MB21D2: variants seen among roughly 807,000 people sequenced by gnomAD.
The protein encoded by MB21D2 is nucleotidyltransferase MB21D2.
Under a neutral mutation model 33.3 loss-of-function variants are expected in MB21D2, and 9 were observed. That is an observed-to-expected ratio of 0.27 (90% CI 0.16 to 0.47). The LOEUF (loss-of-function observed/expected upper bound fraction) is 0.47, where lower values mean the gene tolerates loss of function less well. Among genes scored for constraint, MB21D2 ranks in the 20% least tolerant of loss-of-function variants. The pLI, the probability that MB21D2 is intolerant of heterozygous loss-of-function variation, is 0.99. For missense variants in MB21D2, 540 were observed against 624.6 expected, an observed-to-expected ratio of 0.86 and a Z score of 1.44; for synonymous variants, 241 against 236.3, an observed-to-expected ratio of 1.02 and a Z score of -0.18.
rs184421308 is a variant in MB21D2 at position 192,829,877 on chromosome 3, C to T, written c.212-30227G>A. ...GTGTAGCCGGGACCACAGGCATGCA[C>T]CACCATGCCCAGCTAATTTATTTGT... On this transcript the variant is annotated intron_variant, in intron 1 of 1. Coordinates refer to ENST00000392452, the MANE Select transcript of MB21D2 (RefSeq NM_178496.4). 8.5e-4 allele frequency among the ~76,000 whole-genome samples: 129 copies of T among 152,276 alleles called. 1 individual carries two copies. The highest frequency in any genetic ancestry group is 3.0e-3 in the African/African-American group (124 of 41,564).
At chr3:192,909,665 T>C (rs1162133445) in intron 1 of MB21D2, among the ~76,000 whole-genome samples, 1 of 152,064 alleles carries the variant, frequency 6.6e-6, no homozygotes, top group African/African-American at 2.4e-5. Flanking sequence ...ACACGGTGGC[T>C]CACGCCTGTA....
intron 1 of MB21D2, among the ~76,000 whole-genome samples, chr3:192,829,840 C>T (rs191900898): frequency 1.3e-5 from 2 of 152,326 alleles, no homozygotes; most frequent in Admixed American, 6.5e-5. Context: ...GATACTCCCA[C>T]CTCAGCCTCC....
intron 1 of MB21D2, among the ~76,000 whole-genome samples, chr3:192,898,185 GAC>G (rs1714019147): frequency 6.8e-6 from 1 of 147,754 alleles, no homozygotes; most frequent in Non-Finnish European, 1.5e-5. Context: ...AAAAAAAACT[GAC>G]AGCAAAAATA....
intron 1 of MB21D2, among the ~76,000 whole-genome samples, chr3:192,907,652 T>C (rs1236059889): frequency 1.3e-5 from 2 of 152,190 alleles, no homozygotes; most frequent in South Asian, 2.1e-4. Flanking sequence ...GATAATACCA[T>C]ACCAAATGTG....
chr3:192,834,437 A>AAG (rs1712390004), intron 1 of MB21D2, among the ~76,000 whole-genome samples: 1 of 149,826 alleles, frequency 6.7e-6, no homozygotes, highest in Admixed American at 6.7e-5. Flanking sequence ...AAAAAAAAAA[A>AAG]AAGAAGAAGA....
intron 1 of MB21D2, among the ~76,000 whole-genome samples, chr3:192,869,412 G>A (rs6803361): frequency 0.49 from 73,811 of 151,442 alleles, 18,440 homozygotes; most frequent in East Asian, 0.6. Flanking sequence ...CTTGAGTAGT[G>A]GAGGAGACTG....
At chr3:192,873,941 C>CT (rs1452432062) in intron 1 of MB21D2, among the ~76,000 whole-genome samples, 2 of 152,168 alleles carry the variant, frequency 1.3e-5, no homozygotes, top group Non-Finnish European at 2.9e-5. Flanking sequence ...CTCAGGTGAT[C>CT]TGCCCGCCTT....
chr3:192,804,426 TACACACACACACAC>T (rs10552964), intron 1 of MB21D2, among the ~76,000 whole-genome samples: 21 of 147,162 alleles, frequency 1.4e-4, no homozygotes, highest in Middle Eastern at 3.4e-3. Context: ...TTAAAACAGA[TACACACACACACAC>T]ACACACACAC....
chr3:192,852,223 T>G (rs73201140), intron 1 of MB21D2, among the ~76,000 whole-genome samples: 271 of 152,304 alleles, frequency 1.8e-3, no homozygotes, highest in Non-Finnish European at 3.4e-3. Flanking sequence ...CCACTCAGCA[T>G]GCACAGCACC....
At chr3:192,881,025 G>GT (rs1713555417) in intron 1 of MB21D2, among the ~76,000 whole-genome samples, 1 of 151,960 alleles carries the variant, frequency 6.6e-6, no homozygotes, top group African/African-American at 2.4e-5. Flanking sequence ...ATAGATGTAT[G>GT]TATTTATATA....
intron 1 of MB21D2, among the ~76,000 whole-genome samples, chr3:192,901,411 TTCAA>T (rs1347336335): frequency 7.1e-4 from 20 of 28,156 alleles, no homozygotes; most frequent in African/African-American, 3.1e-3. Flanking sequence ...CTACTAAAAA[TTCAA>T]AAAAAAAAAA....
chr3:192,880,827 G>A (rs1298445368), intron 1 of MB21D2, among the ~76,000 whole-genome samples: 1 of 152,062 alleles, frequency 6.6e-6, no homozygotes, highest in African/African-American at 2.4e-5. Flanking sequence ...ATGTTACTGG[G>A]AATTTACTAA....
At chr3:192,875,223 C>T (rs1418817317) in intron 1 of MB21D2, among the ~76,000 whole-genome samples, 1 of 152,118 alleles carries the variant, frequency 6.6e-6, no homozygotes, top group African/African-American at 2.4e-5. Context: ...GTTGTGCATG[C>T]AGCCATTCCC....
At chr3:192,852,826 A>G (rs1020393532) in intron 1 of MB21D2, among the ~76,000 whole-genome samples, 1 of 152,182 alleles carries the variant, frequency 6.6e-6, no homozygotes, top group Non-Finnish European at 1.5e-5. Flanking sequence ...CACTTTAACC[A>G]AGATGCCCAT....
intron 1 of MB21D2, among the ~76,000 whole-genome samples, chr3:192,912,952 CA>C (rs1714385861): frequency 6.6e-6 from 1 of 152,154 alleles, no homozygotes. Context: ...CTTATGCTTA[CA>C]AAGTTGTGGA....
At chr3:192,889,568 G>C (rs1361781517) in intron 1 of MB21D2, among the ~76,000 whole-genome samples, 1 of 151,982 alleles carries the variant, frequency 6.6e-6, no homozygotes, top group African/African-American at 2.4e-5. Context: ...CAAGACACTT[G>C]CCCAGGCCAG....
rs1237832988 is a variant in MB21D2, at chr3:192,843,068, T to TAC, written c.212-43420_212-43419dup. ...AGAATGCATGGGAGGTCTTTTAGCC[T>TAC]ACACTCATTTTGTAGTTAGGAAAAT... is the stretch of plus-strand genomic sequence containing the variant. On this transcript the variant is annotated intron_variant, in intron 1 of 1. Transcript: ENST00000392452. Among the ~76,000 whole-genome samples the TAC allele has an allele frequency of 2.0e-5, 3 of 152,186 alleles. No individual in the cohort carries two copies. In the East Asian group the frequency reaches 5.8e-4, roughly 29 times the overall value.
chr3:192,863,177 C>T (rs1713087509), intron 1 of MB21D2, among the ~76,000 whole-genome samples: 1 of 152,144 alleles, frequency 6.6e-6, no homozygotes, highest in Non-Finnish European at 1.5e-5. Flanking sequence ...CAAGGGTTGC[C>T]AAGCAGCCAC....
At position 192,799,793 on chromosome 3, in the gene MB21D2, T is replaced by C; in HGVS notation, c.212-143A>G. 1 of 844,666 alleles carries C rather than the reference T, an allele frequency of 1.2e-6. No homozygotes were observed. Among genetic ancestry groups the C allele is most frequent in the South Asian group, 1.9e-5 (1 of 52,472 alleles). The allele number at this position is 844,666 out of a possible 1,614,324, so 52.3% of individuals were successfully genotyped here. A position where few individuals can be genotyped will look rare whatever the true frequency, so the allele number is the denominator to read the frequency against. On this transcript the variant is annotated intron_variant, in intron 1 of 1. Coordinates refer to ENST00000392452, the MANE Select transcript of MB21D2 (RefSeq NM_178496.4). The surrounding 1 kb of genome is among the most constrained non-coding windows in gnomAD (Gnocchi z 4.1). ...CAAATCTCAGGCTGCTGCAGAGACC[T>C]GGCCAACAGTACTTTCTCACTAGTG...
Sources: allele counts gnomAD v4.1 joint callset (sites outside exome capture counted in the v4.1 genomes callset), GRCh38; gene constraint gnomAD v4.1.1; non-coding constraint Gnocchi (gnomAD v3.1); transcripts MANE v1.5; gene names NCBI Gene and HGNC (gene_info 2026-07-23, HGNC 2026-07-21).